The following GADL1 variants were observed in gnomAD, a reference collection of about 807,000 sequenced individuals.
GADL1 encodes acidic amino acid decarboxylase GADL1.
A neutral mutation model predicts 69.5 loss-of-function variants in GADL1; 71 were observed. The ratio of observed to expected loss-of-function variants is 1.02; its 90% CI spans 0.84 to 1.25. The LOEUF (loss-of-function observed/expected upper bound fraction) is 1.25. Among genes scored for constraint, GADL1 ranks in the 50% most tolerant of loss-of-function variants. The probability of loss-of-function intolerance (pLI) is 0.00; values close to 1 mark genes in which losing one functional copy is unlikely to be tolerated. For synonymous variants in GADL1, 254 were observed against 214.4 expected (o/e 1.18, Z -1.62); for missense variants, 737 against 631.8 (o/e 1.17, Z -1.79).
At chr3:30,735,269 C>T (rs907347334) in intron 14 of GADL1, among the ~76,000 whole-genome samples, 1 of 152,126 alleles carries the variant, frequency 6.6e-6, no homozygotes, top group Non-Finnish European at 1.5e-5. Flanking sequence ...CTTAAAAATG[C>T]CAAATCGAAT....
intron 14 of GADL1, among the ~76,000 whole-genome samples, chr3:30,750,578 G>T (rs1417749001): frequency 3.3e-5 from 5 of 152,104 alleles, no homozygotes; most frequent in African/African-American, 1.2e-4. Flanking sequence ...TGTTTCCAGT[G>T]TAATGAAATG....
intron 14 of GADL1, among the ~76,000 whole-genome samples, chr3:30,771,346 C>T (rs1696415097): frequency 6.6e-6 from 1 of 152,184 alleles, no homozygotes; most frequent in African/African-American, 2.4e-5. Context: ...TACATAATAT[C>T]TCTACCTGAC....
chr3:30,767,401 T>A (rs1469352706), intron 14 of GADL1, among the ~76,000 whole-genome samples: 1 of 91,624 alleles, frequency 1.1e-5, no homozygotes, highest in African/African-American at 3.6e-5. Flanking sequence ...AATCCTTTGG[T>A]TCTTGGCACA....
At chr3:30,859,936 T>C (rs915679763) in intron 2 of GADL1, among the ~76,000 whole-genome samples, 1 of 151,964 alleles carries the variant, frequency 6.6e-6, no homozygotes, top group African/African-American at 2.4e-5. Context: ...GATCTTAAGA[T>C]CTTCCGTTTC....
chr3:30,774,589 A>C (rs1032613236), intron 14 of GADL1, among the ~76,000 whole-genome samples: 3 of 151,848 alleles, frequency 2.0e-5, no homozygotes, highest in Admixed American at 6.5e-5. Flanking sequence ...GAATCTTATC[A>C]CTTCCTTATG....
At chr3:30,860,518 T>C (rs1566721) in intron 2 of GADL1, among the ~76,000 whole-genome samples, 35,069 of 151,838 alleles carry the variant, frequency 0.23, 4,669 homozygotes, top group East Asian at 0.52. Context: ...TCTGGGCAAA[T>C]ACCAAACACC....
intron 14 of GADL1, among the ~76,000 whole-genome samples, chr3:30,765,896 C>G (rs569021069): frequency 2.5e-4 from 38 of 152,266 alleles, no homozygotes; most frequent in African/African-American, 7.2e-4. Context: ...TTGACATAAT[C>G]TTTCCCAACT....
intron 11 of GADL1, among the ~76,000 whole-genome samples, chr3:30,807,779 C>A (rs1321422641): frequency 6.6e-6 from 1 of 152,156 alleles, no homozygotes; most frequent in Non-Finnish European, 1.5e-5. Flanking sequence ...TGCCTGTAAT[C>A]CCAGCACTTT....
chr3:30,796,894 C>T (rs1352010203), intron 12 of GADL1, among the ~76,000 whole-genome samples: 1 of 152,134 alleles, frequency 6.6e-6, no homozygotes, highest in Non-Finnish European at 1.5e-5. Context: ...GAATTACTGA[C>T]TTCTAAAAGT....
chr3:30,857,086 C>T lies in GADL1; in HGVS notation c.266G>A (p.Arg89Lys), dbSNP rs368855107. Residue 89 changes from arginine to lysine, a missense_variant, in exon 3 of 15, where the codon AGA becomes AAA. By Grantham distance (26) the Arg-to-Lys change is conservative. Coordinates refer to ENST00000282538, the MANE Select transcript of GADL1 (RefSeq NM_207359.3). ...TTTATGGGGTGGCTCGCCTGAGTCT[C>T]TCATCTCCAAATCAAGAAGCTGTTT... Reference protein sequence around the residue: ...QLKQLLDLEMRDSGEPPHKLL... With the variant: ...QLKQLLDLEMKDSGEPPHKLL... 3 of 1,549,904 alleles carry T rather than the reference C, an allele frequency of 1.9e-6. No homozygotes were observed. The highest frequency in any genetic ancestry group is 2.7e-5 in the African/African-American group (2 of 72,940).
chr3:30,780,640 A>G (rs894324774), intron 13 of GADL1, among the ~76,000 whole-genome samples: 4 of 152,172 alleles, frequency 2.6e-5, no homozygotes, highest in Non-Finnish European at 5.9e-5. Context: ...ACGATGTTTT[A>G]TCTATTATGG....
intron 14 of GADL1, among the ~76,000 whole-genome samples, chr3:30,743,825 C>T (rs552252529): frequency 2.6e-5 from 4 of 152,274 alleles, no homozygotes; most frequent in African/African-American, 9.6e-5. Context: ...GAGTACATAT[C>T]TCTGTTCCAT....
rs549186690 is a variant in GADL1, at chr3:30,792,838, T to A, written c.1251-6432A>T. ...ATTTTCCCCAGAAGTCTTCACAGTA[T>A]CTTGTTGACTGAGCCACATACCCTC... On this transcript the variant is annotated intron_variant, in intron 12 of 14. Coordinates refer to ENST00000282538, the MANE Select transcript of GADL1 (RefSeq NM_207359.3). Among the ~76,000 whole-genome samples the A allele has an allele frequency of 2.6e-5, 4 of 152,220 alleles. No homozygotes were observed. In the South Asian group the frequency reaches 8.3e-4, roughly 32 times the overall value.
intron 12 of GADL1, among the ~76,000 whole-genome samples, chr3:30,790,611 G>T (rs1412261280): frequency 6.6e-6 from 1 of 152,132 alleles, no homozygotes; most frequent in Non-Finnish European, 1.5e-5. Context: ...TCCAGTGGTG[G>T]TAAGAATATG....
intron 11 of GADL1, among the ~76,000 whole-genome samples, chr3:30,803,312 C>T (rs1697196712): frequency 6.6e-6 from 1 of 152,108 alleles, no homozygotes; most frequent in Non-Finnish European, 1.5e-5. Context: ...TGGTTGTTTC[C>T]ATAGCAACTA....
At chr3:30,751,882 C>T (rs573596357) in intron 14 of GADL1, among the ~76,000 whole-genome samples, 1 of 152,230 alleles carries the variant, frequency 6.6e-6, no homozygotes, top group Non-Finnish European at 1.5e-5. Flanking sequence ...TCTAGCTTCC[C>T]TTTTCATCCC....
At chr3:30,754,866 T>C (rs1695930618) in intron 14 of GADL1, among the ~76,000 whole-genome samples, 1 of 151,858 alleles carries the variant, frequency 6.6e-6, no homozygotes, top group South Asian at 2.1e-4. Flanking sequence ...ACTGATTTTT[T>C]TTCTGAAAGT....
chr3:30,745,369 T>A (rs908944233), intron 14 of GADL1, among the ~76,000 whole-genome samples: 1 of 152,220 alleles, frequency 6.6e-6, no homozygotes, highest in Admixed American at 6.5e-5. Context: ...ATCAATTAGA[T>A]CCCTAATTAT....
At chr3:30,839,538 C>G (rs1357959496) in intron 8 of GADL1, among the ~76,000 whole-genome samples, 1 of 60,544 alleles carries the variant, frequency 1.7e-5, no homozygotes, top group South Asian at 5.6e-4. Flanking sequence ...GGTTGGAAGA[C>G]AGAGCTCCCG....
Sources: allele counts gnomAD v4.1 joint callset (sites outside exome capture counted in the v4.1 genomes callset), GRCh38; gene constraint gnomAD v4.1.1; transcripts MANE v1.5; gene names NCBI Gene and HGNC (gene_info 2026-07-23, HGNC 2026-07-21).